The following SGCZ variants were observed in gnomAD, a reference collection of about 807,000 sequenced individuals.
SGCZ encodes zeta-sarcoglycan.
Under a neutral mutation model 41.3 loss-of-function variants are expected in SGCZ, and 40 were observed. The ratio of observed to expected loss-of-function variants is 0.97; its 90% CI spans 0.75 to 1.26. SGCZ has a LOEUF of 1.26. Ranked by LOEUF, SGCZ falls within the 50% of genes most tolerant of loss-of-function variation. The pLI is 0.00. For missense variants in SGCZ, 552 were observed against 369.8 expected, an observed-to-expected ratio of 1.49 and a Z score of -4.04; for synonymous variants, 206 against 137.5, an observed-to-expected ratio of 1.50 and a Z score of -3.49.
At chr8:14,260,257 A>T (rs1038577861) in intron 3 of SGCZ, among the ~76,000 whole-genome samples, 4 of 151,992 alleles carry the variant, frequency 2.6e-5, no homozygotes, top group Non-Finnish European at 5.9e-5. Context: ...CAAGCAAAAA[A>T]CAAACAACCC....
intron 3 of SGCZ, among the ~76,000 whole-genome samples, chr8:14,312,256 GA>G (rs1198799921): frequency 6.6e-6 from 1 of 152,096 alleles, no homozygotes; most frequent in Non-Finnish European, 1.5e-5. Flanking sequence ...AAAAAAGATT[GA>G]AAAACACTAA....
At chr8:14,667,077 G>C (rs1346292487) in intron 1 of SGCZ, among the ~76,000 whole-genome samples, 4 of 152,008 alleles carry the variant, frequency 2.6e-5, no homozygotes, top group Non-Finnish European at 5.9e-5. Flanking sequence ...CAATGTTATA[G>C]TATTATCTTC....
intron 7 of SGCZ, among the ~76,000 whole-genome samples, chr8:14,098,579 A>G (rs900273280): frequency 6.6e-6 from 1 of 152,322 alleles, no homozygotes; most frequent in East Asian, 1.9e-4. Context: ...TCAAGCTCTG[A>G]AAATGCCAAA....
intron 4 of SGCZ, among the ~76,000 whole-genome samples, chr8:14,215,652 A>G (rs1028584352): frequency 2.6e-5 from 4 of 152,162 alleles, no homozygotes; most frequent in African/African-American, 7.2e-5. Flanking sequence ...CACAAAAGAA[A>G]GAGACCATAT....
intron 1 of SGCZ, among the ~76,000 whole-genome samples, chr8:15,229,055 G>C (rs888698784): frequency 2.0e-5 from 3 of 152,172 alleles, no homozygotes; most frequent in Admixed American, 1.3e-4. Context: ...AGCCAGGCGT[G>C]ATGGCGGGTG....
At chr8:15,132,172 C>T (rs898694978) in intron 1 of SGCZ, among the ~76,000 whole-genome samples, 9 of 152,088 alleles carry the variant, frequency 5.9e-5, no homozygotes, top group Non-Finnish European at 1.2e-4. Flanking sequence ...TCCACATTGC[C>T]ATTTATTTAG....
chr8:14,891,395 G>A (rs1174149011), intron 1 of SGCZ, among the ~76,000 whole-genome samples: 2 of 152,216 alleles, frequency 1.3e-5, no homozygotes, highest in African/African-American at 4.8e-5. Context: ...CTTCAGTGGA[G>A]AGAGTCACTG....
chr8:14,586,578 A>G (rs1391950944), intron 1 of SGCZ, among the ~76,000 whole-genome samples: 2 of 152,212 alleles, frequency 1.3e-5, no homozygotes, highest in African/African-American at 2.4e-5. Context: ...TAAAAAACAA[A>G]TGAAACTACT....
At chr8:14,555,547 C>G (rs1056067374) in intron 1 of SGCZ, among the ~76,000 whole-genome samples, 3 of 152,008 alleles carry the variant, frequency 2.0e-5, no homozygotes, top group African/African-American at 7.2e-5. Context: ...CTCTATGCTT[C>G]CTGTACAGCC....
intron 1 of SGCZ, among the ~76,000 whole-genome samples, chr8:15,108,970 T>G (rs1355408631): frequency 1.3e-5 from 2 of 152,158 alleles, no homozygotes; most frequent in Non-Finnish European, 2.9e-5. Context: ...AAAAATAGAA[T>G]GAAATTGGGT....
At chr8:14,787,325 A>C (rs1009521459) in intron 1 of SGCZ, among the ~76,000 whole-genome samples, 3 of 152,138 alleles carry the variant, frequency 2.0e-5, no homozygotes, top group Non-Finnish European at 2.9e-5. Flanking sequence ...TATATATGGG[A>C]GGCTAGCGGG....
chr8:14,350,997 G>A (rs1420360653), intron 2 of SGCZ, among the ~76,000 whole-genome samples: 1 of 152,052 alleles, frequency 6.6e-6, no homozygotes, highest in Admixed American at 6.6e-5. Flanking sequence ...CTATGCATGC[G>A]TAGGGTCAGT....
intron 1 of SGCZ, among the ~76,000 whole-genome samples, chr8:14,923,633 G>T (rs188191173): frequency 6.6e-6 from 1 of 152,144 alleles, no homozygotes; most frequent in Non-Finnish European, 1.5e-5. Context: ...CAAATGCAAA[G>T]AACAATTTAA....
chr8:14,940,650 G>A (rs1272486669), intron 1 of SGCZ, among the ~76,000 whole-genome samples: 1 of 151,292 alleles, frequency 6.6e-6, no homozygotes, highest in Non-Finnish European at 1.5e-5. Context: ...CTGGAGGCCA[G>A]GAGATCTTTT....
At chr8:14,520,870 A>T (rs931535828) in intron 2 of SGCZ, among the ~76,000 whole-genome samples, 1 of 152,162 alleles carries the variant, frequency 6.6e-6, no homozygotes, top group African/African-American at 2.4e-5. Flanking sequence ...TTTAGGATGT[A>T]CTTAAAAAAA....
chr8:14,618,917 C>T (rs1200840186), intron 1 of SGCZ, among the ~76,000 whole-genome samples: 3 of 152,078 alleles, frequency 2.0e-5, no homozygotes, highest in South Asian at 4.1e-4. Context: ...GGTGGAAAAG[C>T]AGTTGAGCTG....
intron 1 of SGCZ, among the ~76,000 whole-genome samples, chr8:15,185,344 G>C (rs900160396): frequency 1.3e-5 from 2 of 152,156 alleles, no homozygotes; most frequent in African/African-American, 4.8e-5. Flanking sequence ...AAATGTGTTG[G>C]TTTTTAACAT....
intron 3 of SGCZ, among the ~76,000 whole-genome samples, chr8:14,319,940 G>T (rs1473113527): frequency 6.6e-6 from 1 of 151,766 alleles, no homozygotes. Context: ...ATTTTAAAAA[G>T]TTCTTGTGGT....
intron 1 of SGCZ, among the ~76,000 whole-genome samples, chr8:14,667,725 T>C (rs1229041033): frequency 6.6e-6 from 1 of 152,140 alleles, no homozygotes; most frequent in Non-Finnish European, 1.5e-5. Context: ...TCATGATGCT[T>C]AGGGCATTGT....
Sources: allele counts gnomAD v4.1 joint callset (sites outside exome capture counted in the v4.1 genomes callset), GRCh38; gene constraint gnomAD v4.1.1; transcripts MANE v1.5; gene names NCBI Gene and HGNC (gene_info 2026-07-23, HGNC 2026-07-21).